The following TRANK1 variants were observed in gnomAD, a reference collection of about 807,000 sequenced individuals.
The protein encoded by TRANK1 is tetratricopeptide repeat and ankyrin repeat containing 1.
A neutral mutation model predicts 266.0 loss-of-function variants in TRANK1; 198 were observed. The observed-to-expected ratio is 0.74, with a 90% CI of 0.66 to 0.84. TRANK1 has a LOEUF of 0.84. Among genes scored for constraint, TRANK1 ranks in the 40% least tolerant of loss-of-function variants. The pLI is 0.00. For missense variants in TRANK1, 3,326 were observed against 3,634.6 expected, an observed-to-expected ratio of 0.92 and a Z score of 2.18; for synonymous variants, 1,396 against 1,384.1, an observed-to-expected ratio of 1.01 and a Z score of -0.19.
intron 4 of TRANK1, among the ~76,000 whole-genome samples, chr3:36,897,911 A>C (rs2079816094): frequency 6.6e-6 from 1 of 152,214 alleles, no homozygotes; most frequent in Non-Finnish European, 1.5e-5. Flanking sequence ...GATCTGGGCC[A>C]CCAACAAAGC....
intron 2 of TRANK1, among the ~76,000 whole-genome samples, chr3:36,906,671 A>C (rs1315864678): frequency 6.6e-6 from 1 of 152,158 alleles, no homozygotes; most frequent in African/African-American, 2.4e-5. Flanking sequence ...TTGGAATGAT[A>C]AGCTTTGAAG....
In TRANK1 at chr3:36,901,351, GC is replaced by G. The variant is rs750173951; in HGVS notation, c.282+1797del. Among the ~76,000 whole-genome samples, 142 of 152,114 alleles carry G rather than the reference GC, an allele frequency of 9.3e-4. 1 individual carries two copies. The highest frequency in any genetic ancestry group is 1.2e-3 in the Non-Finnish European group (79 of 68,030). ...AGAGAGAAATTGAGCACCAAGACTGGCCTGAACAAACCTTGCTAAGATAGCC... is the reference window on the plus strand; with the variant it reads ...AGAGAGAAATTGAGCACCAAGACTGGCTGAACAAACCTTGCTAAGATAGCC... On this transcript the variant is annotated intron_variant, in intron 3 of 23. Coordinates refer to ENST00000645898, the MANE Select transcript of TRANK1 (RefSeq NM_001329998.2).
chr3:36,898,053 A>G (rs1007687302), intron 4 of TRANK1, among the ~76,000 whole-genome samples: 8 of 152,204 alleles, frequency 5.3e-5, no homozygotes, highest in Non-Finnish European at 1.2e-4. Context: ...CAACCCTGAC[A>G]TGGAGCACCC....
Position 36,903,157 on chromosome 3 carries a change from A to G in TRANK1, c.274T>C (p.Tyr92His). The change falls in exon 3 of 24, where the codon TAC (tyrosine) becomes CAC (histidine). Residue 92 changes from tyrosine to histidine, a missense_variant. Physicochemically the swap from Tyr to His is moderately conservative, Grantham distance 83. Transcript: ENST00000645898. ...AKECLQWDPT[Y>H]VKGYYRAGYS... is the part of the protein sequence containing the mutation. ...ACCCTCCCACCCCATACCTTCACGTAGGTTGGATCCCATTGGAGACATTCC... is the reference window on the plus strand; with the variant it reads ...ACCCTCCCACCCCATACCTTCACGTGGGTTGGATCCCATTGGAGACATTCC... The G allele has an allele frequency of 6.5e-7, 1 of 1,537,210 alleles. No individual in the cohort carries two copies. Among genetic ancestry groups the G allele is most frequent in the Non-Finnish European group, 8.7e-7 (1 of 1,146,858 alleles).
chr3:36,851,230 G>T, intron 15 of TRANK1: 1 of 986,102 alleles, frequency 1.0e-6, no homozygotes, highest in Non-Finnish European at 1.2e-6. Flanking sequence ...GGTCTCTCAT[G>T]CAAGGAAGCT....
intron 3 of TRANK1, among the ~76,000 whole-genome samples, chr3:36,902,773 T>A (rs910000762): frequency 2.0e-5 from 3 of 152,192 alleles, no homozygotes; most frequent in Admixed American, 6.5e-5. Flanking sequence ...ATGCACAGAT[T>A]ATGAGTTTGG....
rs267599781 is a variant in TRANK1 at position 36,846,294 on chromosome 3, G to A, written c.5145C>T (p.Phe1715=). 1.2e-6 allele frequency: 2 copies of A among 1,610,982 alleles called. No homozygotes were observed. The highest frequency in any genetic ancestry group is 1.7e-6 in the Non-Finnish European group (2 of 1,178,586). ...REKRAPAFKY[F]IRRDFVQVVK... ...CAACTTGGACAAAATCTCTTCTAAT[G>A]AAATATTTGAATGCGGGAGCCCGTT... Residue 1715 remains phenylalanine (F), a synonymous_variant, in exon 17 of 24, where the codon TTC becomes TTT. Coordinates refer to ENST00000645898, the MANE Select transcript of TRANK1 (RefSeq NM_001329998.2).
At chr3:36,925,464 A>G (rs544335151) in intron 1 of TRANK1, among the ~76,000 whole-genome samples, 1 of 152,344 alleles carries the variant, frequency 6.6e-6, no homozygotes, top group African/African-American at 2.4e-5. Flanking sequence ...TCCAACTAGA[A>G]TGTAAACATT....
At position 36,856,174 on chromosome 3, in the gene TRANK1, T is replaced by C; in HGVS notation, c.3548A>G (p.His1183Arg). The C allele has an allele frequency of 1.2e-6, 2 of 1,613,964 alleles. No homozygotes were observed. The highest frequency in any genetic ancestry group is 1.3e-5 in the African/African-American group (1 of 75,024). Residue 1183 changes from histidine (H) to arginine (R), a missense_variant, in exon 13 of 24, where the codon CAT becomes CGT. By Grantham distance (29) the His-to-Arg change is conservative. Coordinates refer to ENST00000645898, the MANE Select transcript of TRANK1 (RefSeq NM_001329998.2). ...GQAAEVCAPEHPHQLEHLHQI... is the reference protein window; with the variant it reads ...GQAAEVCAPERPHQLEHLHQI... ...ATGTAAATGCTCCAGCTGGTGGGGA[T>C]GTTCTGGTGCACATACTTCTGCAGC...
chr3:36,865,024 GTTTTTTTTTTT>G (rs34540496), intron 9 of TRANK1, among the ~76,000 whole-genome samples: 1 of 119,808 alleles, frequency 8.3e-6, no homozygotes, highest in African/African-American at 3.4e-5. Flanking sequence ...TGTTTTTTTG[GTTTTTTTTTTT>G]TTTTTTTTTT....
At chr3:36,861,823 A>G (rs1236081738) in intron 10 of TRANK1, among the ~76,000 whole-genome samples, 1 of 149,320 alleles carries the variant, frequency 6.7e-6, no homozygotes, top group Non-Finnish European at 1.5e-5. Flanking sequence ...CTCCTGCCTC[A>G]GCCTCCCGAG....
At chr3:36,905,116 A>G (rs1046268577) in intron 2 of TRANK1, among the ~76,000 whole-genome samples, 3 of 152,068 alleles carry the variant, frequency 2.0e-5, no homozygotes, top group East Asian at 1.9e-4. Context: ...GTGAAACCCC[A>G]TCTCTACTAA....
At chr3:36,913,372 A>G (rs1015631825) in intron 1 of TRANK1, among the ~76,000 whole-genome samples, 8 of 148,042 alleles carry the variant, frequency 5.4e-5, no homozygotes, top group African/African-American at 2.0e-4. Context: ...CTTTCTATCT[A>G]TCTTTCTTTC....
chr3:36,908,306 A>G lies in TRANK1; in HGVS notation c.155+17T>C. The G allele has an allele frequency of 8.1e-7, 1 of 1,232,206 alleles. No homozygotes were observed. Among genetic ancestry groups the G allele is most frequent in the Middle Eastern group, 3.1e-4 (1 of 3,208 alleles). 76.3% of individuals were successfully genotyped at this position (1,232,206 alleles called of 1,614,324 possible). A position where few individuals can be genotyped will look rare whatever the true frequency, so the allele number is the denominator to read the frequency against. On this transcript the variant is annotated intron_variant, in intron 2 of 23. Coordinates refer to ENST00000645898, the MANE Select transcript of TRANK1 (RefSeq NM_001329998.2). ...GTACTGAAAAAGAAAAGATGAGGTGAAAATGCAAACACTTACCCCCACTGG... is the reference window on the plus strand; with the variant it reads ...GTACTGAAAAAGAAAAGATGAGGTGGAAATGCAAACACTTACCCCCACTGG...
At chr3:36,898,027 CG>C (rs1297635829) in intron 4 of TRANK1, among the ~76,000 whole-genome samples, 3 of 152,218 alleles carry the variant, frequency 2.0e-5, no homozygotes, top group Non-Finnish European at 4.4e-5. Flanking sequence ...TCTGCAGTGC[CG>C]GGTATTGAGC....
At chr3:36,858,932 C>A in intron 11 of TRANK1, 38 bp from the exon 12 acceptor site, 2 of 1,494,222 alleles carry the variant, frequency 1.3e-6, no homozygotes, top group South Asian at 1.3e-5. Context: ...TGTGAGCAGG[C>A]ACAGCCTGGC....
chr3:36,936,308 G>T (rs1054653940), intron 1 of TRANK1, among the ~76,000 whole-genome samples: 2 of 151,944 alleles, frequency 1.3e-5, no homozygotes, highest in African/African-American at 2.4e-5. Context: ...AACATAGCGA[G>T]ATCACATCTC....
intron 1 of TRANK1, among the ~76,000 whole-genome samples, chr3:36,933,386 G>C (rs889380936): frequency 1.3e-5 from 2 of 152,262 alleles, no homozygotes; most frequent in African/African-American, 2.4e-5. Flanking sequence ...AGAATCCTCT[G>C]TTTGAGTGTT....
At chr3:36,887,663 T>C (rs2079626802) in intron 8 of TRANK1, among the ~76,000 whole-genome samples, 1 of 152,232 alleles carries the variant, frequency 6.6e-6, no homozygotes, top group South Asian at 2.1e-4. Context: ...GTATTTTATG[T>C]GTGGCCCAAG....
Sources: gnomAD v4.1 joint callset for allele counts (sites outside exome capture counted in the v4.1 genomes callset) on GRCh38, gnomAD v4.1.1 for gene constraint, MANE v1.5 for transcripts, NCBI Gene and HGNC (gene_info 2026-07-23, HGNC 2026-07-21) for gene names.